Variants in SMG7 observed in about 807,000 individuals in gnomAD.
SMG7 encodes SMG7 nonsense mediated mRNA decay factor.
SMG7 carries 34 observed loss-of-function variants against 148.2 expected under a neutral mutation model. That is an observed-to-expected ratio of 0.23 (90% CI 0.17 to 0.31). The LOEUF (loss-of-function observed/expected upper bound fraction) is 0.31. Ranked by LOEUF, SMG7 falls within the 10% of genes least tolerant of loss-of-function variation. The pLI, the probability that SMG7 is intolerant of heterozygous loss-of-function variation, is 1.00. For synonymous variants in SMG7, 492 were observed against 515.1 expected, an observed-to-expected ratio of 0.96 and a Z score of 0.61; for missense variants, 1,114 against 1,408.4, an observed-to-expected ratio of 0.79 and a Z score of 3.35.
intron 18 of SMG7, among the ~76,000 whole-genome samples, chr1:183,547,887 C>T (rs988507183): frequency 3.3e-5 from 5 of 152,048 alleles, no homozygotes; most frequent in African/African-American, 1.2e-4. Flanking sequence ...GCCTGCATTT[C>T]AAAGAACATC....
At chr1:183,502,149 A>AAAG in intron 1 of SMG7, 1 of 719,196 alleles carries the variant, frequency 1.4e-6, no homozygotes, top group Non-Finnish European at 2.0e-6. Flanking sequence ...TTTTTCCTTT[A>AAAG]CCTTTCACAT....
At chr1:183,503,455 A>T (rs576142752) in intron 1 of SMG7, among the ~76,000 whole-genome samples, 1 of 152,308 alleles carries the variant, frequency 6.6e-6, no homozygotes, top group Non-Finnish European at 1.5e-5. Flanking sequence ...TTATTTTGTA[A>T]TTTTTATGTA....
rs375030502 is a variant in SMG7, at chr1:183,546,299, C to G, written c.2704C>G (p.Arg902Gly). The G allele has an allele frequency of 2.5e-6, 4 of 1,613,742 alleles. No homozygotes were observed. The highest frequency in any genetic ancestry group is 1.3e-5 in the African/African-American group (1 of 74,896). The stretch of plus-strand genomic sequence containing the variant: ...GGGCAAACGGTCACCAGGAGTCTTC[C>G]GTCCAGAGCAGGATCCTGTACCCAG... ...RRGKRSPGVF[R>G]PEQDPVPRMP... The change falls in exon 17 of 23, where the codon CGT (arginine) becomes GGT (glycine). Residue 902 changes from arginine to glycine, a missense_variant. Arg to Gly is a moderately radical substitution (Grantham distance 125, BLOSUM62 -2). Transcript: ENST00000688051.
chr1:183,551,234 A>G (rs1437165236), intron 22 of SMG7, 44 bp downstream of exon 22: 1 of 1,525,458 alleles, frequency 6.6e-7, no homozygotes, highest in Non-Finnish European at 8.8e-7. Flanking sequence ...TATTACAGCA[A>G]AGGTGTCTCT....
intron 1 of SMG7, among the ~76,000 whole-genome samples, chr1:183,503,012 C>A (rs1488917999): frequency 6.6e-6 from 1 of 152,184 alleles, no homozygotes; most frequent in Non-Finnish European, 1.5e-5. Context: ...CTAGCCTGGC[C>A]ATTTCAGAAG....
intron 1 of SMG7, among the ~76,000 whole-genome samples, chr1:183,483,276 T>C (rs141414978): frequency 6.6e-6 from 1 of 152,276 alleles, no homozygotes; most frequent in Non-Finnish European, 1.5e-5. Flanking sequence ...GCTGTGTTAG[T>C]TGGGATACAG....
At chr1:183,549,354 C>A in intron 19 of SMG7, 66 bp downstream of exon 19, 1 of 1,131,392 alleles carries the variant, frequency 8.8e-7, no homozygotes, top group Non-Finnish European at 1.3e-6. Flanking sequence ...CTTTCTCATA[C>A]TGTTTCAGTA....
intron 1 of SMG7, among the ~76,000 whole-genome samples, chr1:183,489,552 A>G (rs948538593): frequency 1.3e-5 from 2 of 152,242 alleles, no homozygotes; most frequent in East Asian, 3.9e-4. Flanking sequence ...AATGGAAATG[A>G]GGAATAAAAG....
intron 8 of SMG7, among the ~76,000 whole-genome samples, chr1:183,532,655 T>A (rs1327618291): frequency 6.6e-6 from 1 of 152,216 alleles, no homozygotes; most frequent in Non-Finnish European, 1.5e-5. Flanking sequence ...TATGCCTTGT[T>A]TATAAAATAA....
At chr1:183,506,452 TGATG>T (rs1182643373) in intron 1 of SMG7, among the ~76,000 whole-genome samples, 1 of 152,088 alleles carries the variant, frequency 6.6e-6, no homozygotes, top group African/African-American at 2.4e-5. Flanking sequence ...TTGCGAGACT[TGATG>T]TGTGTGTGGG....
chr1:183,550,027 A>G, intron 20 of SMG7, 104 bp downstream of exon 20: 2 of 766,260 alleles, frequency 2.6e-6, no homozygotes, highest in East Asian at 5.7e-5. Context: ...TTGTTGGGTT[A>G]TTTTTATTTT....
intron 12 of SMG7, among the ~76,000 whole-genome samples, chr1:183,539,220 T>C (rs1204966392): frequency 2.0e-5 from 3 of 152,186 alleles, no homozygotes; most frequent in Admixed American, 1.3e-4. Flanking sequence ...TTCAGCCTAC[T>C]GTGGTTTAAA....
At chr1:183,483,935 G>A (rs944683652) in intron 1 of SMG7, among the ~76,000 whole-genome samples, 2 of 152,062 alleles carry the variant, frequency 1.3e-5, no homozygotes, top group South Asian at 2.1e-4. Flanking sequence ...CTAAGACAGC[G>A]GCACGGCATA....
intron 1 of SMG7, among the ~76,000 whole-genome samples, chr1:183,488,106 T>C (rs1454084259): frequency 6.6e-6 from 1 of 152,204 alleles, no homozygotes; most frequent in East Asian, 1.9e-4. Flanking sequence ...GGAAGCCAGC[T>C]CTGTTATGTG....
In SMG7 at chr1:183,529,060, T is replaced by G. The variant is rs1342010695; in HGVS notation, c.707+18T>G. 6.3e-7 allele frequency: 1 copy of G among 1,582,586 alleles called. No individual in the cohort carries two copies. Among genetic ancestry groups the G allele is most frequent in the South Asian group, 1.2e-5 (1 of 85,050 alleles). ...CTGGAAAGGTAGGGTTGTTTGGTTT[T>G]TTTTTTCTCTTTCCAAGAGGACTTT... On this transcript the variant is annotated intron_variant, in intron 7 of 22. Transcript: ENST00000688051.
chr1:183,547,716 T>G (rs1036786136), intron 18 of SMG7, among the ~76,000 whole-genome samples: 5 of 152,270 alleles, frequency 3.3e-5, no homozygotes, highest in Admixed American at 1.3e-4. Context: ...TTTTGTTTGG[T>G]TAACTAAATG....
chr1:183,477,508 G>A (rs1208974903), intron 1 of SMG7, among the ~76,000 whole-genome samples: 1 of 148,982 alleles, frequency 6.7e-6, no homozygotes, highest in African/African-American at 2.5e-5. Flanking sequence ...GTGTATATAT[G>A]CATATATACA....
intron 1 of SMG7, among the ~76,000 whole-genome samples, chr1:183,496,881 G>A (rs1658607887): frequency 1.3e-5 from 2 of 152,232 alleles, no homozygotes; most frequent in Admixed American, 6.5e-5. Context: ...GTGAATTTGT[G>A]TTGGGCCGCA....
At chr1:183,486,049 T>G (rs1346720253) in intron 1 of SMG7, among the ~76,000 whole-genome samples, 2 of 152,214 alleles carry the variant, frequency 1.3e-5, no homozygotes, top group African/African-American at 4.8e-5. Flanking sequence ...GAAAATTTCC[T>G]TCTTCCAGAA....
Sources: gnomAD v4.1 joint callset for allele counts (sites outside exome capture counted in the v4.1 genomes callset) on GRCh38, gnomAD v4.1.1 for gene constraint, MANE v1.5 for transcripts, NCBI Gene and HGNC (gene_info 2026-07-23, HGNC 2026-07-21) for gene names.